Variants in CCDC92B observed in about 807,000 individuals in gnomAD.
CCDC92B encodes coiled-coil domain containing 92B.
In CCDC92B, 2 loss-of-function variants were observed where a neutral mutation model predicts 5.6. The ratio of observed to expected loss-of-function variants is 0.36; its 90% CI spans 0.15 to 1.12. CCDC92B has a LOEUF of 1.12. CCDC92B is among the 50% of genes most tolerant of loss of function. The probability of loss-of-function intolerance (pLI) is 0.40; values close to 1 mark genes in which losing one functional copy is unlikely to be tolerated. For missense variants in CCDC92B, 271 were observed against 262.2 expected, an observed-to-expected ratio of 1.03 and a Z score of -0.23; for synonymous variants, 115 against 122.3, an observed-to-expected ratio of 0.94 and a Z score of 0.39.
chr17:2,737,084 C>T (rs2070866427), intron 1 of CCDC92B, among the ~76,000 whole-genome samples: 1 of 151,964 alleles, frequency 6.6e-6, no homozygotes, highest in Non-Finnish European at 1.5e-5. Context: ...GCTTCTGGCT[C>T]CGCCCCCTTC....
At chr17:2,725,909 C>T (rs947380930) in intron 3 of CCDC92B, among the ~76,000 whole-genome samples, 53 of 150,560 alleles carry the variant, frequency 3.5e-4, no homozygotes, top group Non-Finnish European at 6.5e-4. Flanking sequence ...GTCCAGAGAG[C>T]AAGGGACTGA....
At chr17:2,727,305 T>C (rs2070740635) in intron 3 of CCDC92B, among the ~76,000 whole-genome samples, 1 of 152,326 alleles carries the variant, frequency 6.6e-6, no homozygotes, top group South Asian at 2.1e-4. Flanking sequence ...CTGGGCGCTA[T>C]GAAAGACCAA....
chr17:2,733,534 C>G lies in CCDC92B; in HGVS notation c.130+1482G>C, dbSNP rs550188268. 1.8e-3 allele frequency among the ~76,000 whole-genome samples: 272 copies of G among 152,150 alleles called. 1 individual carries two copies. The highest frequency in any genetic ancestry group is 6.3e-3 in the African/African-American group (260 of 41,524). On this transcript the variant is annotated intron_variant, in intron 2 of 3. Transcript: ENST00000614400. ...TCAGCCTCCCAAAGTGCTGGGATTA[C>G]AGGCGTGAGCCACCGTGCCCAGCTC...
chr17:2,745,556 T>C (rs866977888), intron 1 of CCDC92B, among the ~76,000 whole-genome samples: 2 of 152,142 alleles, frequency 1.3e-5, no homozygotes, highest in Non-Finnish European at 2.9e-5. Context: ...TTAGACGTTA[T>C]TGTTTAGTTT....
chr17:2,747,884 TTGGTAC>T (rs1384982457), intron 1 of CCDC92B, among the ~76,000 whole-genome samples: 1 of 152,212 alleles, frequency 6.6e-6, no homozygotes, highest in Admixed American at 6.5e-5. Flanking sequence ...TAATAAGTAA[TTGGTAC>T]TGTTCTTAGC....
rs569306254 is a variant in CCDC92B, at chr17:2,730,507, AAAG to A, written c.131-17_131-15del. The A allele has an allele frequency of 3.1e-4, 298 of 969,498 alleles. 2 individuals are homozygous for A. In the South Asian group the frequency reaches 0.012, roughly 39 times the overall value. 60.1% of individuals were successfully genotyped at this position (969,498 alleles called of 1,614,324 possible). On this transcript the variant is annotated splice_polypyrimidine_tract_variant and intron_variant, in intron 2 of 3. Coordinates refer to ENST00000614400, the MANE Select transcript of CCDC92B (RefSeq NM_001355573.2). ...CATGGGTCAGTTCTGGGGGGAAAGA[AAAG>A]AAAAGGCAGTTTGTGTGTGTGTGTG... is the stretch of plus-strand genomic sequence containing the variant.
intron 1 of CCDC92B, among the ~76,000 whole-genome samples, chr17:2,745,407 C>T (rs1481162959): frequency 1.3e-5 from 2 of 152,206 alleles, no homozygotes; most frequent in African/African-American, 4.8e-5. Context: ...AGACTGGACC[C>T]TGGCCACCGT....
At position 2,735,050 on chromosome 17, in the gene CCDC92B, G is replaced by A. The variant is rs2070842286; in HGVS notation, c.96C>T (p.His32=). The A allele has an allele frequency of 1.0e-6, 1 of 985,428 alleles. No homozygotes were observed. Among genetic ancestry groups the A allele is most frequent in the African/African-American group, 1.7e-5 (1 of 57,240 alleles). 61.0% of individuals were successfully genotyped at this position (985,428 alleles called of 1,614,324 possible). A position where few individuals can be genotyped will look rare whatever the true frequency, so the allele number is the denominator to read the frequency against. The change falls in exon 2 of 4, where the codon CAC becomes CAT. Residue 32 remains histidine (H), a synonymous_variant. Transcript: ENST00000614400. ...KEQMALLRDL[H]LEILRLQKRC... is the part of the protein sequence containing the mutation. ...GTTTCTGCAGCCTCAGGATCTCCAG[G>A]TGCAGGTCTCGCAGCAGGGCCATCT...
chr17:2,723,789 G>T lies in CCDC92B; in HGVS notation c.*622C>A. The T allele has an allele frequency of 4.5e-6, 1 of 221,278 alleles. No individual in the cohort carries two copies. The highest frequency in any genetic ancestry group is 7.6e-6 in the Non-Finnish European group (1 of 131,128). The allele number at this position is 221,278 out of a possible 1,614,324, so 13.7% of individuals were successfully genotyped here. On this transcript the variant is annotated 3_prime_UTR_variant, in exon 4 of 4. Coordinates refer to ENST00000614400, the MANE Select transcript of CCDC92B (RefSeq NM_001355573.2). Reference sequence around the variant, plus strand: ...CCTCTCCCAGGGCCCATGGAAGTTAGGCTTCCATCAGGCGCACTTTTCCCA... The same window carrying T: ...CCTCTCCCAGGGCCCATGGAAGTTATGCTTCCATCAGGCGCACTTTTCCCA...
At chr17:2,730,764 T>G (rs2070785803) in intron 2 of CCDC92B, among the ~76,000 whole-genome samples, 1 of 152,120 alleles carries the variant, frequency 6.6e-6, no homozygotes, top group South Asian at 2.1e-4. Flanking sequence ...GAGCCTGGGT[T>G]CGGAGTTTAG....
chr17:2,724,638 C>G lies in CCDC92B; in HGVS notation c.541G>C (p.Glu181Gln). Reference sequence around the variant, plus strand: ...CGGCCGGGGCCCTTGGCGGCGGCCTCGTGGGCAGCAGGCGGGCGGCGGGCT... The same window carrying G: ...CGGCCGGGGCCCTTGGCGGCGGCCTGGTGGGCAGCAGGCGGGCGGCGGGCT... ...LRARRPPAAH[E>Q]AAAKGPGRDW... The change falls in exon 4 of 4, where the codon GAG becomes CAG. Residue 181 changes from glutamate to glutamine, a missense_variant. Physicochemically the swap from Glu to Gln is conservative, Grantham distance 29 (BLOSUM62 2). Transcript: ENST00000614400. This position sits in a 1 kb window ranked among gnomAD's most constrained non-coding sequence, Gnocchi z 5.0. 1 of 981,406 alleles carries G rather than the reference C, an allele frequency of 1.0e-6. No homozygotes were observed. 60.8% of individuals were successfully genotyped at this position (981,406 alleles called of 1,614,324 possible).
At chr17:2,736,887 T>A (rs1368368410) in intron 1 of CCDC92B, among the ~76,000 whole-genome samples, 3 of 51,012 alleles carry the variant, frequency 5.9e-5, no homozygotes, top group South Asian at 4.6e-4. Context: ...TCTCAAAAAA[T>A]AAATAAATAA....
chr17:2,735,826 C>T (rs1453603238), intron 1 of CCDC92B, among the ~76,000 whole-genome samples: 2 of 152,174 alleles, frequency 1.3e-5, no homozygotes, highest in African/African-American at 4.8e-5. Flanking sequence ...TAGCCTGCTC[C>T]TCCCGCCCTA....
chr17:2,740,620 G>A (rs2070915031), intron 1 of CCDC92B, among the ~76,000 whole-genome samples: 2 of 151,928 alleles, frequency 1.3e-5, no homozygotes, highest in East Asian at 1.9e-4. Flanking sequence ...CCGACATCGT[G>A]CTACTGCACT....
intron 3 of CCDC92B, among the ~76,000 whole-genome samples, chr17:2,728,602 C>CAAA (rs56095711): frequency 1.4e-5 from 2 of 138,582 alleles, no homozygotes; most frequent in Non-Finnish European, 1.5e-5. Context: ...GACTCCGTCT[C>CAAA]AAAAAAAAAA....
chr17:2,730,307 G>T, intron 3 of CCDC92B, 139 bp downstream of exon 3: 1 of 293,052 alleles, frequency 3.4e-6, no homozygotes, highest in Non-Finnish European at 5.1e-6. Context: ...CTGACATCCT[G>T]CACTCTGCTC....
chr17:2,727,271 G>C (rs1184406594), intron 3 of CCDC92B, among the ~76,000 whole-genome samples: 1 of 152,226 alleles, frequency 6.6e-6, no homozygotes, highest in Non-Finnish European at 1.5e-5. Flanking sequence ...GAACCACCCA[G>C]AGAGCTTTAA....
chr17:2,726,404 G>T (rs966025934), intron 3 of CCDC92B, among the ~76,000 whole-genome samples: 16 of 150,806 alleles, frequency 1.1e-4, no homozygotes, highest in African/African-American at 3.9e-4. Flanking sequence ...GGATGGTTTC[G>T]ATCTCCTGAC....
chr17:2,748,468 A>G (rs1356644671), intron 1 of CCDC92B: 1 of 948,426 alleles, frequency 1.1e-6, no homozygotes, highest in Admixed American at 6.3e-5. Context: ...GCCTGCACGC[A>G]CCTGGCTTCC....
Sources: gnomAD v4.1 joint callset for allele counts (sites outside exome capture counted in the v4.1 genomes callset) on GRCh38, gnomAD v4.1.1 for gene constraint, Gnocchi (gnomAD v3.1) non-coding constraint, MANE v1.5 for transcripts, NCBI Gene and HGNC (gene_info 2026-07-23, HGNC 2026-07-21) for gene names.